BAZ1A: variants seen among roughly 807,000 people sequenced by gnomAD.
The protein encoded by BAZ1A is bromodomain adjacent to zinc finger domain protein 1A.
Under a neutral mutation model 185.2 loss-of-function variants are expected in BAZ1A, and 50 were observed. The ratio of observed to expected loss-of-function variants is 0.27; its 90% CI spans 0.22 to 0.34. The LOEUF (loss-of-function observed/expected upper bound fraction) is 0.34. Ranked by LOEUF, BAZ1A falls within the 10% of genes least tolerant of loss-of-function variation. The pLI, the probability that BAZ1A is intolerant of heterozygous loss-of-function variation, is 1.00. For synonymous variants in BAZ1A, 571 were observed against 615.6 expected (o/e 0.93, Z 1.07); for missense variants, 1,356 against 1,839.9 (o/e 0.74, Z 4.81).
intron 4 of BAZ1A, among the ~76,000 whole-genome samples, chr14:34,823,313 C>T (rs1475071691): frequency 6.6e-6 from 1 of 151,740 alleles, no homozygotes; most frequent in Non-Finnish European, 1.5e-5. Context: ...GAGACTGCGC[C>T]ACTGCACTCC....
chr14:34,783,107 T>G lies in BAZ1A; in HGVS notation c.2111+12A>C. 1.3e-6 allele frequency: 2 copies of G among 1,558,138 alleles called. No individual in the cohort carries two copies. The highest frequency in any genetic ancestry group is 8.8e-7 in the Non-Finnish European group (1 of 1,131,554). ...ATGGTAAAGCAGATGAACAGTGTGA[T>G]TCAAACCATACCCAATAGATATATC... On this transcript the variant is annotated intron_variant, in intron 16 of 26. Transcript: ENST00000360310.
At chr14:34,853,038 T>C (rs2042620348) in intron 3 of BAZ1A, among the ~76,000 whole-genome samples, 3 of 138,466 alleles carry the variant, frequency 2.2e-5, no homozygotes, top group Admixed American at 1.6e-4. Flanking sequence ...TAAATACATG[T>C]TGAACAATTA....
intron 21 of BAZ1A, among the ~76,000 whole-genome samples, chr14:34,769,611 T>A (rs1879076997): frequency 1.3e-5 from 2 of 152,300 alleles, no homozygotes; most frequent in South Asian, 4.1e-4. Context: ...TAATTTGATT[T>A]TCCCCCCTTC....
intron 4 of BAZ1A, among the ~76,000 whole-genome samples, chr14:34,815,247 T>C (rs1029553814): frequency 1.4e-4 from 21 of 152,200 alleles, no homozygotes; most frequent in East Asian, 7.7e-4. Flanking sequence ...ATAATACTTA[T>C]GCAAAATTCT....
chr14:34,810,622 T>C (rs1249856718), intron 5 of BAZ1A, among the ~76,000 whole-genome samples: 1 of 152,032 alleles, frequency 6.6e-6, no homozygotes, highest in East Asian at 1.9e-4. Context: ...AATAAGTCCA[T>C]TAGGATTTTT....
intron 3 of BAZ1A, among the ~76,000 whole-genome samples, chr14:34,838,845 C>A (rs1450319223): frequency 6.6e-6 from 1 of 151,980 alleles, no homozygotes; most frequent in African/African-American, 2.4e-5. Flanking sequence ...TATTTTACAA[C>A]TACATGTGAA....
At chr14:34,780,902 A>C (rs1444694066) in intron 16 of BAZ1A, among the ~76,000 whole-genome samples, 1 of 152,202 alleles carries the variant, frequency 6.6e-6, no homozygotes, top group Non-Finnish European at 1.5e-5. Context: ...GGAGATCAGT[A>C]AAGAAGCCAG....
At chr14:34,806,836 C>A (rs1246964430) in intron 6 of BAZ1A, among the ~76,000 whole-genome samples, 3 of 151,558 alleles carry the variant, frequency 2.0e-5, no homozygotes, top group African/African-American at 7.3e-5. Flanking sequence ...GCAGCCTTGA[C>A]CTCTCCAGGC....
intron 25 of BAZ1A, among the ~76,000 whole-genome samples, chr14:34,756,219 T>C (rs1886238768): frequency 6.6e-6 from 1 of 151,288 alleles, no homozygotes; most frequent in Admixed American, 6.6e-5. Context: ...GTTCAAGCGA[T>C]TGTCCTGCCT....
rs531426285 is a variant in BAZ1A, at chr14:34,835,740, C to G, written c.393-9584G>C. Among the ~76,000 whole-genome samples the G allele has an allele frequency of 1.2e-3, 183 of 150,424 alleles. 2 individuals are homozygous for G. The highest frequency in any genetic ancestry group is 4.5e-3 in the African/African-American group (181 of 40,610). On this transcript the variant is annotated intron_variant, in intron 3 of 26. Coordinates refer to ENST00000360310, the MANE Select transcript of BAZ1A (RefSeq NM_013448.3). Reference sequence around the variant, plus strand: ...AGGCTGGAGTGCAATGGCGTGATCTCGGCTCACTGCAACCTCTGCCTCCCG... The same window carrying G: ...AGGCTGGAGTGCAATGGCGTGATCTGGGCTCACTGCAACCTCTGCCTCCCG...
intron 25 of BAZ1A, among the ~76,000 whole-genome samples, chr14:34,756,115 CT>C (rs548364033): frequency 0.093 from 11,849 of 126,960 alleles, 395 homozygotes; most frequent in Admixed American, 0.18. Context: ...TGGTTTTTTT[CT>C]TTTTTTTTTT....
In BAZ1A at chr14:34,822,254, A is replaced by G. The variant is rs193251931; in HGVS notation, c.536+3759T>C. On this transcript the variant is annotated intron_variant, in intron 4 of 26. Coordinates refer to ENST00000360310, the MANE Select transcript of BAZ1A (RefSeq NM_013448.3). ...AGTTTGCAGTGAGCTGAGATTCACC[A>G]CTGCATTCCAGCCTGGGTGACACAG... Among the ~76,000 whole-genome samples, 175 of 152,328 alleles carry G rather than the reference A, an allele frequency of 1.1e-3. 2 individuals carry two copies. The highest frequency in any genetic ancestry group is 4.1e-3 in the African/African-American group (172 of 41,576).
chr14:34,783,036 G>C, intron 16 of BAZ1A, 83 bp downstream of exon 16: 1 of 1,087,648 alleles, frequency 9.2e-7, no homozygotes, highest in Non-Finnish European at 1.4e-6. Context: ...CTAAAAATGT[G>C]AAAGCATTTT....
chr14:34,754,063 G>A (rs1386842009), intron 26 of BAZ1A, among the ~76,000 whole-genome samples: 1 of 151,710 alleles, frequency 6.6e-6, no homozygotes, highest in East Asian at 1.9e-4. Context: ...CACCAGCCTG[G>A]GCAACATGGT....
intron 3 of BAZ1A, among the ~76,000 whole-genome samples, chr14:34,856,792 AG>A (rs2042686582): frequency 7.1e-6 from 1 of 141,416 alleles, no homozygotes. Flanking sequence ...CGGGAGGCAG[AG>A]GTTGCTGTGA....
At chr14:34,873,186 T>C (rs1031638343) in intron 2 of BAZ1A, among the ~76,000 whole-genome samples, 1 of 152,192 alleles carries the variant, frequency 6.6e-6, no homozygotes. Context: ...TATTCATTTC[T>C]TAGACAGGTA....
chr14:34,871,371 T>C (rs954996064), intron 2 of BAZ1A, among the ~76,000 whole-genome samples: 21 of 152,242 alleles, frequency 1.4e-4, no homozygotes, highest in African/African-American at 4.6e-4. Context: ...ATAAATCGTA[T>C]TTAAGAGACT....
intron 17 of BAZ1A, among the ~76,000 whole-genome samples, chr14:34,779,557 GA>G (rs1483756239): frequency 2.1e-4 from 32 of 151,710 alleles, no homozygotes; most frequent in African/African-American, 6.5e-4. Flanking sequence ...AAAAAATACA[GA>G]AAAAAAGATC....
intron 2 of BAZ1A, among the ~76,000 whole-genome samples, chr14:34,862,997 T>A (rs1566603057): frequency 6.7e-6 from 1 of 149,034 alleles, no homozygotes; most frequent in Non-Finnish European, 1.5e-5. Flanking sequence ...TCTTTTTTTT[T>A]TTTTTTTTTG....
Sources: allele counts gnomAD v4.1 joint callset (sites outside exome capture counted in the v4.1 genomes callset), GRCh38; gene constraint gnomAD v4.1.1; transcripts MANE v1.5; gene names NCBI Gene and HGNC (gene_info 2026-07-23, HGNC 2026-07-21).